The following PRKD1 variants were observed in gnomAD, a reference collection of about 807,000 sequenced individuals.
PRKD1 encodes protein kinase D1.
A neutral mutation model predicts 95.9 loss-of-function variants in PRKD1; 63 were observed. The ratio of observed to expected loss-of-function variants is 0.66; its 90% CI spans 0.54 to 0.81. PRKD1 has a LOEUF of 0.81. Among genes scored for constraint, PRKD1 ranks in the 30% least tolerant of loss-of-function variants. The pLI is 0.00. For synonymous variants in PRKD1, 425 were observed against 423.1 expected (o/e 1.00, Z -0.05); for missense variants, 1,048 against 1,165.3 (o/e 0.90, Z 1.47).
At chr14:29,846,370 G>A (rs77451586) in intron 1 of PRKD1, among the ~76,000 whole-genome samples, 2 of 152,184 alleles carry the variant, frequency 1.3e-5, no homozygotes, top group Non-Finnish European at 2.9e-5. Context: ...GTCTTCCTGA[G>A]GGGTGACGTT....
Position 29,624,205 on chromosome 14 carries a change from G to A in PRKD1, c.1852C>T (p.Arg618Ter), listed in dbSNP as rs201154555. ...TGGCTTTCTTGTTTTGTTGGAAATC[G>A]TAATTTGTCAATGATTTTAATAGCT... ...DVAIKIIDKLRFPTKQESQLR... is the reference protein window; with the variant it reads ...DVAIKIIDKL Residue 618 changes from arginine (R) to a stop codon, truncating the protein, a stop_gained, in exon 13 of 18, where the codon CGA becomes TGA. Coordinates refer to ENST00000331968, the MANE Select transcript of PRKD1 (RefSeq NM_002742.3). LOFTEE classifies it high-confidence loss of function. The A allele has an allele frequency of 3.2e-5, 51 of 1,604,378 alleles. No homozygotes were observed. The African/African-American group carries it at 5.0e-4, about 16-fold the overall frequency.
chr14:29,658,125 A>G (rs530586290), intron 4 of PRKD1, among the ~76,000 whole-genome samples: 13 of 152,282 alleles, frequency 8.5e-5, no homozygotes, highest in East Asian at 1.9e-4. Context: ...CTTGCTATCT[A>G]TATATCTGAT....
intron 1 of PRKD1, among the ~76,000 whole-genome samples, chr14:29,850,325 G>T (rs1892258737): frequency 6.6e-6 from 1 of 151,978 alleles, no homozygotes; most frequent in South Asian, 2.1e-4. Flanking sequence ...CCATCAAAAG[G>T]CTTCTGGAAC....
chr14:29,592,514 T>C (rs899266749), intron 16 of PRKD1, among the ~76,000 whole-genome samples: 1 of 152,162 alleles, frequency 6.6e-6, no homozygotes, highest in Non-Finnish European at 1.5e-5. Context: ...ATAATCTTTA[T>C]ACACAATTGT....
At chr14:29,906,364 C>T (rs1894495685) in intron 1 of PRKD1, among the ~76,000 whole-genome samples, 1 of 151,940 alleles carries the variant, frequency 6.6e-6, no homozygotes, top group Non-Finnish European at 1.5e-5. Context: ...CACAGGGAGA[C>T]TCCGTCTCTA....
intron 1 of PRKD1, among the ~76,000 whole-genome samples, chr14:29,910,051 C>T (rs148288972): frequency 0.024 from 3,600 of 152,278 alleles, 148 homozygotes; most frequent in African/African-American, 0.082. Flanking sequence ...TGGCAACCTG[C>T]TGGGGTCCCC....
At chr14:29,855,321 A>G (rs1247463967) in intron 1 of PRKD1, among the ~76,000 whole-genome samples, 1 of 152,210 alleles carries the variant, frequency 6.6e-6, no homozygotes, top group Admixed American at 6.5e-5. Context: ...ATCTTATATC[A>G]GCATGACCTG....
chr14:29,789,583 T>C (rs992831307), intron 1 of PRKD1, among the ~76,000 whole-genome samples: 64 of 152,048 alleles, frequency 4.2e-4, no homozygotes, highest in African/African-American at 1.5e-3. Context: ...GGCAGGCTGG[T>C]ATCCAGGCAC....
intron 1 of PRKD1, among the ~76,000 whole-genome samples, chr14:29,900,954 A>T (rs1437364226): frequency 6.6e-6 from 1 of 152,190 alleles, no homozygotes; most frequent in African/African-American, 2.4e-5. Context: ...GAACTTAAAA[A>T]GCTACCATTT....
intron 1 of PRKD1, among the ~76,000 whole-genome samples, chr14:29,890,323 G>A (rs1163502105): frequency 1.3e-5 from 2 of 152,040 alleles, no homozygotes; most frequent in African/African-American, 2.4e-5. Flanking sequence ...GAAAGTGAGC[G>A]CTTCATCAAA....
Position 29,634,276 on chromosome 14 carries a change from T to G in PRKD1, c.1314+142A>C, listed in dbSNP as rs868867579. 8 of 1,276,984 alleles carry G rather than the reference T, an allele frequency of 6.3e-6. No individual in the cohort carries two copies. In the South Asian group the frequency reaches 1.1e-4, roughly 18 times the overall value. 79.1% of individuals were successfully genotyped at this position (1,276,984 alleles called of 1,614,324 possible). ...TATATCTGACACCCAGAGACTGTAATGCACCTTACCTAATCCCGTGTCATG... is the reference window on the plus strand; with the variant it reads ...TATATCTGACACCCAGAGACTGTAAGGCACCTTACCTAATCCCGTGTCATG... On this transcript the variant is annotated intron_variant, in intron 8 of 17. Coordinates refer to ENST00000331968, the MANE Select transcript of PRKD1 (RefSeq NM_002742.3).
intron 2 of PRKD1, among the ~76,000 whole-genome samples, chr14:29,676,394 C>T (rs1037092628): frequency 7.2e-5 from 11 of 152,036 alleles, no homozygotes; most frequent in South Asian, 2.1e-4. Flanking sequence ...CTCGCTATGT[C>T]GCCAGGCTGA....
chr14:29,701,437 A>T (rs184200135), intron 2 of PRKD1, among the ~76,000 whole-genome samples: 7 of 152,326 alleles, frequency 4.6e-5, no homozygotes, highest in Admixed American at 3.3e-4. Context: ...CTGCAAAAGC[A>T]TGACTTTCTC....
At chr14:29,840,603 C>G (rs1891800590) in intron 1 of PRKD1, among the ~76,000 whole-genome samples, 1 of 152,046 alleles carries the variant, frequency 6.6e-6, no homozygotes, top group Non-Finnish European at 1.5e-5. Flanking sequence ...AAAGACATAC[C>G]TGAGACGAGG....
intron 1 of PRKD1, among the ~76,000 whole-genome samples, chr14:29,891,702 G>T (rs1322737291): frequency 6.8e-6 from 1 of 146,526 alleles, no homozygotes; most frequent in African/African-American, 2.5e-5. Flanking sequence ...TGTTTTGTTT[G>T]CCATATTTGC....
chr14:29,652,350 G>A (rs1881563871), intron 4 of PRKD1, among the ~76,000 whole-genome samples: 1 of 152,122 alleles, frequency 6.6e-6, no homozygotes, highest in Non-Finnish European at 1.5e-5. Context: ...CCCCCTCCCA[G>A]CAGGGTTCAT....
chr14:29,606,236 C>G (rs981956843), intron 13 of PRKD1, among the ~76,000 whole-genome samples: 1 of 152,148 alleles, frequency 6.6e-6, no homozygotes, highest in Non-Finnish European at 1.5e-5. Flanking sequence ...TGGTCACAAA[C>G]TCCTGACCTC....
intron 4 of PRKD1, among the ~76,000 whole-genome samples, chr14:29,647,047 T>A (rs1881170880): frequency 6.6e-6 from 1 of 152,042 alleles, no homozygotes; most frequent in South Asian, 2.1e-4. Context: ...AATCAACACC[T>A]TTTCACAACA....
rs1340655246 is a variant in PRKD1, at chr14:29,725,545, C to T, written c.394G>A (p.Val132Ile). Residue 132 changes from valine (V) to isoleucine (I), a missense_variant, in exon 2 of 18, where the codon GTC becomes ATC. Transcript: ENST00000331968. ...TATAAAAGTATACTACCTGACAAGA[C>T]CACTTCAATAAGATCGCCTTCCTGG... ...DIQEGDLIEV[V>I]LSASATFEDF... 2.5e-6 allele frequency: 4 copies of T among 1,613,372 alleles called. No individual in the cohort carries two copies. Among genetic ancestry groups the T allele is most frequent in the South Asian group, 1.1e-5 (1 of 91,038 alleles).
Sources: gnomAD v4.1 joint callset for allele counts (sites outside exome capture counted in the v4.1 genomes callset) on GRCh38, gnomAD v4.1.1 for gene constraint, MANE v1.5 for transcripts, NCBI Gene and HGNC (gene_info 2026-07-23, HGNC 2026-07-21) for gene names.